Variants in RPRD2 observed in about 807,000 individuals in gnomAD.
The protein encoded by RPRD2 is regulation of nuclear pre-mRNA domain containing 2, also known as regulation of nuclear pre-mRNA domain-containing protein 2.
A neutral mutation model predicts 104.4 loss-of-function variants in RPRD2; 12 were observed. The ratio of observed to expected loss-of-function variants is 0.11; its 90% CI spans 0.07 to 0.19. RPRD2 has a LOEUF of 0.19. Among genes scored for constraint, RPRD2 ranks in the 10% least tolerant of loss-of-function variants. The pLI, the probability that RPRD2 is intolerant of heterozygous loss-of-function variation, is 1.00. For missense variants in RPRD2, 1,543 were observed against 1,790.1 expected, an observed-to-expected ratio of 0.86 and a Z score of 2.49; for synonymous variants, 714 against 684.9, an observed-to-expected ratio of 1.04 and a Z score of -0.66.
At chr1:150,430,281 G>GA (rs1208385012) in intron 2 of RPRD2, among the ~76,000 whole-genome samples, 2 of 152,088 alleles carry the variant, frequency 1.3e-5, no homozygotes, top group East Asian at 1.9e-4. Context: ...TGGACAGATG[G>GA]AAAAAAATAA....
Position 150,388,371 on chromosome 1 carries a change from TACAC to T in RPRD2, c.205+23454_205+23457del, listed in dbSNP as rs1661771693. ...ACACACATATACATATATACATGTATACACATATACACGTATACACATGTATATA... is the reference window on the plus strand; with the variant it reads ...ACACACATATACATATATACATGTATATATACACGTATACACATGTATATA... On this transcript the variant is annotated intron_variant, in intron 1 of 10. Coordinates refer to ENST00000369068, the MANE Select transcript of RPRD2 (RefSeq NM_015203.5). Among the ~76,000 whole-genome samples the T allele has an allele frequency of 4.2e-5, 4 of 96,260 alleles. 1 individual carries two copies. The South Asian group carries it at 1.0e-3, about 24-fold the overall frequency. 63.2% of individuals were successfully genotyped at this position (96,260 alleles called of 152,430 possible). A position where few individuals can be genotyped will look rare whatever the true frequency, so the allele number is the denominator to read the frequency against.
chr1:150,417,605 C>T lies in RPRD2; in HGVS notation c.215C>T (p.Pro72Leu), dbSNP rs781866614. The stretch of plus-strand genomic sequence containing the variant: ...CTTTTGTCATCTCTAGCTGCATATC[C>T]CCACCGTTTGAATCTCTTTTACCTT... ...WMKWLRRSAY[P>L]HRLNLFYLAN... is the part of the protein sequence containing the mutation. Residue 72 changes from proline (P) to leucine (L), a missense_variant, in exon 2 of 11, where the codon CCC (proline) becomes CTC (leucine). By Grantham distance (98) the Pro-to-Leu change is moderately conservative (BLOSUM62 -3). Around this residue, in one of 4 missense-constraint regions of RPRD2, gnomAD observed 88 missense variants for 96.6 expected, o/e 0.91. Transcript: ENST00000369068. The T allele has an allele frequency of 3.8e-6, 6 of 1,569,026 alleles. No homozygotes were observed. The highest frequency in any genetic ancestry group is 3.6e-5 in the Admixed American group (2 of 55,904).
At chr1:150,368,414 T>A (rs1160321099) in intron 1 of RPRD2, among the ~76,000 whole-genome samples, 1 of 151,166 alleles carries the variant, frequency 6.6e-6, no homozygotes, top group Non-Finnish European at 1.5e-5. Context: ...TGCCTCAGCC[T>A]CCTGAGTAGC....
At chr1:150,450,125 C>T (rs1168799273) in intron 7 of RPRD2, among the ~76,000 whole-genome samples, 6 of 152,080 alleles carry the variant, frequency 3.9e-5, no homozygotes, top group Non-Finnish European at 8.8e-5. Context: ...AGAAAGAGTT[C>T]AATTTTCTGG....
intron 2 of RPRD2, among the ~76,000 whole-genome samples, chr1:150,421,517 A>G (rs1379798404): frequency 2.6e-5 from 4 of 151,998 alleles, no homozygotes; most frequent in African/African-American, 7.2e-5. Context: ...ATCCAAGGTA[A>G]TTTTTTTTAA....
At chr1:150,373,021 CT>C (rs1209199819) in intron 1 of RPRD2, among the ~76,000 whole-genome samples, 8 of 145,862 alleles carry the variant, frequency 5.5e-5, no homozygotes, top group Admixed American at 6.9e-5. Context: ...CTTTTTTTTT[CT>C]TTTTTTTTTG....
chr1:150,386,652 G>A (rs1661590413), intron 1 of RPRD2, among the ~76,000 whole-genome samples: 1 of 151,706 alleles, frequency 6.6e-6, no homozygotes, highest in African/African-American at 2.4e-5. Flanking sequence ...TGGGTCTCAT[G>A]GTGTTTACTT....
At chr1:150,372,902 G>A (rs1367551900) in intron 1 of RPRD2, among the ~76,000 whole-genome samples, 1 of 152,108 alleles carries the variant, frequency 6.6e-6, no homozygotes, top group Non-Finnish European at 1.5e-5. Context: ...GGTGGGTGGT[G>A]TTGGGGAGGG....
chr1:150,380,037 A>T (rs782559574), intron 1 of RPRD2, among the ~76,000 whole-genome samples: 4 of 152,314 alleles, frequency 2.6e-5, no homozygotes, highest in South Asian at 2.1e-4. Context: ...GCTTTATTTT[A>T]TCAACCAGTT....
At chr1:150,381,023 C>A (rs1661085151) in intron 1 of RPRD2, among the ~76,000 whole-genome samples, 1 of 152,158 alleles carries the variant, frequency 6.6e-6, no homozygotes. Flanking sequence ...TATTGAGACA[C>A]ATGGCCCCCC....
At chr1:150,377,818 A>G (rs1228763798) in intron 1 of RPRD2, among the ~76,000 whole-genome samples, 1 of 152,114 alleles carries the variant, frequency 6.6e-6, no homozygotes, top group African/African-American at 2.4e-5. Context: ...ATGAATTTGT[A>G]AATTTATAAA....
chr1:150,411,878 C>G (rs1553887748), intron 1 of RPRD2, among the ~76,000 whole-genome samples: 1 of 150,638 alleles, frequency 6.6e-6, no homozygotes, highest in African/African-American at 2.5e-5. Context: ...GTAATCCCAG[C>G]ACTTTGGGAG....
intron 8 of RPRD2, among the ~76,000 whole-genome samples, chr1:150,458,070 G>T (rs1026072281): frequency 5.3e-5 from 8 of 151,888 alleles, no homozygotes; most frequent in Non-Finnish European, 8.8e-5. Context: ...CTCCGTCTTG[G>T]GGGGACGGTC....
intron 2 of RPRD2, among the ~76,000 whole-genome samples, chr1:150,425,598 G>T (rs1665068756): frequency 6.6e-6 from 1 of 151,354 alleles, no homozygotes; most frequent in Admixed American, 6.6e-5. Flanking sequence ...TGCCGAGATT[G>T]CATCATTGCA....
Position 150,364,597 on chromosome 1 carries a change from C to T in RPRD2, c.-118C>T, listed in dbSNP as rs1286451931. 1.5e-5 allele frequency: 9 copies of T among 619,890 alleles called. No homozygotes were observed. Among genetic ancestry groups the T allele is most frequent in the Non-Finnish European group, 2.5e-5 (9 of 355,688 alleles). The allele number at this position is 619,890 out of a possible 1,614,324, so 38.4% of individuals were successfully genotyped here. A position where few individuals can be genotyped will look rare whatever the true frequency, so the allele number is the denominator to read the frequency against. ...CCCAGCGCGTGCACCATCCCCACCCCCTAGCTTCCCTCCCCACCTACGGCT... is the reference window on the plus strand; with the variant it reads ...CCCAGCGCGTGCACCATCCCCACCCTCTAGCTTCCCTCCCCACCTACGGCT... On this transcript the variant is annotated 5_prime_UTR_variant, in exon 1 of 11. Transcript: ENST00000369068.
intron 10 of RPRD2, among the ~76,000 whole-genome samples, chr1:150,470,021 A>G (rs1318970305): frequency 6.6e-6 from 1 of 152,114 alleles, no homozygotes; most frequent in Non-Finnish European, 1.5e-5. Flanking sequence ...TGCTGTTCAG[A>G]TAAGTTTCTG....
rs1431330933 is a variant in RPRD2 at position 150,444,130 on chromosome 1, T to G, written c.568-121T>G. On this transcript the variant is annotated intron_variant, in intron 5 of 10. Transcript: ENST00000369068. ...TGAAAAGTTTTTTTCCTCCCAGGGT[T>G]TTGTTAAGCTTTAGGGTGTTTGTTT... The G allele has an allele frequency of 1.2e-5, 11 of 955,360 alleles. No homozygotes were observed. The African/African-American group carries it at 1.5e-4, about 13-fold the overall frequency. The allele number at this position is 955,360 out of a possible 1,614,324, so 59.2% of individuals were successfully genotyped here. A position where few individuals can be genotyped will look rare whatever the true frequency, so the allele number is the denominator to read the frequency against.
intron 1 of RPRD2, among the ~76,000 whole-genome samples, chr1:150,372,631 G>A (rs1660405652): frequency 6.6e-6 from 1 of 152,082 alleles, no homozygotes. Context: ...CAGGGAAGGG[G>A]GAAACAGAGG....
chr1:150,395,310 C>T (rs1662415717), intron 1 of RPRD2, among the ~76,000 whole-genome samples: 2 of 151,566 alleles, frequency 1.3e-5, no homozygotes. Context: ...CAATCTCATC[C>T]AGGTCGCTGC....
Sources: allele counts gnomAD v4.1 joint callset (sites outside exome capture counted in the v4.1 genomes callset), GRCh38; gene constraint gnomAD v4.1.1; regional missense constraint gnomAD v4.1.1; transcripts MANE v1.5; gene names NCBI Gene and HGNC (gene_info 2026-07-23, HGNC 2026-07-21).